The following CDH13 variants were observed in gnomAD, a reference collection of about 807,000 sequenced individuals.
The protein encoded by CDH13 is cadherin-13.
In CDH13, 24 loss-of-function variants were observed where a neutral mutation model predicts 63.8. That is an observed-to-expected ratio of 0.38 (90% CI 0.27 to 0.53). The LOEUF is 0.53. Ranked by LOEUF, CDH13 falls within the 20% of genes least tolerant of loss-of-function variation. The pLI is 0.85. For synonymous variants in CDH13, 503 were observed against 355.3 expected, an observed-to-expected ratio of 1.42 and a Z score of -4.67; for missense variants, 1,049 against 903.1, an observed-to-expected ratio of 1.16 and a Z score of -2.07.
At chr16:83,524,089 C>T (rs745958118) in intron 7 of CDH13, among the ~76,000 whole-genome samples, 2 of 152,188 alleles carry the variant, frequency 1.3e-5, no homozygotes, top group Non-Finnish European at 1.5e-5. Flanking sequence ...TGAAACAGAA[C>T]CCCGAAGAGC....
intron 6 of CDH13, among the ~76,000 whole-genome samples, chr16:83,383,644 G>T (rs1253401662): frequency 6.6e-6 from 1 of 152,138 alleles, no homozygotes; most frequent in Non-Finnish European, 1.5e-5. Flanking sequence ...GTTTTCTGTT[G>T]CTGTCTTTCT....
chr16:83,739,810 A>T (rs1049979696), intron 10 of CDH13: 2 of 152,240 alleles, frequency 1.3e-5, no homozygotes, highest in Non-Finnish European at 2.9e-5. Flanking sequence ...TCATGCATGC[A>T]TTCAACAACT....
intron 6 of CDH13, among the ~76,000 whole-genome samples, chr16:83,412,559 A>G (rs893186010): frequency 7.9e-5 from 12 of 152,260 alleles, no homozygotes; most frequent in African/African-American, 2.7e-4. Flanking sequence ...ATACTGATGC[A>G]GCCACCTCGA....
chr16:83,079,085 G>C (rs1467256408), intron 3 of CDH13, among the ~76,000 whole-genome samples: 2 of 152,148 alleles, frequency 1.3e-5, no homozygotes, highest in South Asian at 2.1e-4. Flanking sequence ...GTGAGCCATT[G>C]TGCCCGGCCC....
At chr16:83,754,044 C>T (rs182489446) in intron 11 of CDH13, among the ~76,000 whole-genome samples, 5 of 151,888 alleles carry the variant, frequency 3.3e-5, no homozygotes, top group African/African-American at 9.7e-5. Flanking sequence ...AAATTAGAAA[C>T]GAGTGTCAGA....
At chr16:83,135,273 C>G (rs776694287) in intron 4 of CDH13, among the ~76,000 whole-genome samples, 1 of 152,178 alleles carries the variant, frequency 6.6e-6, no homozygotes, top group Admixed American at 6.5e-5. Context: ...AACGGCAATG[C>G]TGAGACCCAA....
intron 2 of CDH13, among the ~76,000 whole-genome samples, chr16:82,932,861 C>T (rs1188141797): frequency 2.0e-5 from 3 of 152,030 alleles, no homozygotes; most frequent in Non-Finnish European, 4.4e-5. Context: ...TGATTCTAAA[C>T]AATGAACTTT....
intron 4 of CDH13, among the ~76,000 whole-genome samples, chr16:83,145,469 G>A (rs571696246): frequency 7.2e-5 from 11 of 152,292 alleles, no homozygotes; most frequent in Admixed American, 2.0e-4. Flanking sequence ...GACTGTTGCC[G>A]TTATTAGCGA....
chr16:83,714,873 G>C lies in CDH13; in HGVS notation c.1539-33235G>C, dbSNP rs867367524. On this transcript the variant is annotated intron_variant, in intron 10 of 13. Coordinates refer to ENST00000567109, the MANE Select transcript of CDH13 (RefSeq NM_001257.5). ...CTTTATCTTTAATTCCTAATTAACG[G>C]TTTTGCCAACTACCTTTATCTATTT... is the stretch of plus-strand genomic sequence containing the variant. Among the ~76,000 whole-genome samples, 4 of 152,144 alleles carry C rather than the reference G, an allele frequency of 2.6e-5. No homozygotes were observed. The South Asian group carries it at 6.2e-4, about 24-fold the overall frequency.
chr16:83,267,240 C>T (rs1346424236), intron 5 of CDH13, among the ~76,000 whole-genome samples: 3 of 152,122 alleles, frequency 2.0e-5, no homozygotes, highest in Non-Finnish European at 4.4e-5. Flanking sequence ...GCTGAAGGTG[C>T]AGGGAAGCTC....
At chr16:83,581,773 CA>C (rs1282789807) in intron 7 of CDH13, among the ~76,000 whole-genome samples, 1 of 152,198 alleles carries the variant, frequency 6.6e-6, no homozygotes, top group African/African-American at 2.4e-5. Flanking sequence ...GAGCCAAAAT[CA>C]TGCTATTGCA....
At chr16:82,835,780 T>C (rs1446558989) in intron 1 of CDH13, among the ~76,000 whole-genome samples, 1 of 152,204 alleles carries the variant, frequency 6.6e-6, no homozygotes, top group East Asian at 1.9e-4. Flanking sequence ...GATCAATCCA[T>C]ATGCATGTTT....
At chr16:82,829,604 T>C (rs540362043) in intron 1 of CDH13, 2 of 152,300 alleles carry the variant, frequency 1.3e-5, no homozygotes, top group South Asian at 4.1e-4. Context: ...ATATATTTCC[T>C]GCAACATGAG....
intron 1 of CDH13, among the ~76,000 whole-genome samples, chr16:82,846,167 G>A (rs59926756): frequency 0.28 from 42,190 of 151,962 alleles, 6,019 homozygotes; most frequent in South Asian, 0.31. Flanking sequence ...AAACTTCTGC[G>A]TGGAGCCTTT....
chr16:83,327,126 A>T (rs1156643996), intron 5 of CDH13, among the ~76,000 whole-genome samples: 1 of 152,218 alleles, frequency 6.6e-6, no homozygotes, highest in East Asian at 1.9e-4. Flanking sequence ...GAATCACTTC[A>T]GTGAGCTAGA....
chr16:83,727,091 A>G (rs968421104), intron 10 of CDH13, among the ~76,000 whole-genome samples: 3 of 152,170 alleles, frequency 2.0e-5, no homozygotes, highest in Non-Finnish European at 4.4e-5. Context: ...TAGTGTAGTC[A>G]CAGAGTTGTG....
At chr16:83,338,184 TA>T (rs5818440) in intron 5 of CDH13, among the ~76,000 whole-genome samples, 65 of 135,082 alleles carry the variant, frequency 4.8e-4, no homozygotes, top group Admixed American at 6.0e-4. Flanking sequence ...CTCTTCTTTT[TA>T]AAAAAAAAAA....
intron 6 of CDH13, among the ~76,000 whole-genome samples, chr16:83,396,327 G>C (rs1246562542): frequency 6.6e-6 from 1 of 152,132 alleles, no homozygotes; most frequent in Non-Finnish European, 1.5e-5. Flanking sequence ...ATAAAACACT[G>C]TGTCTGGCAC....
chr16:83,531,503 C>G (rs2075082702), intron 7 of CDH13, among the ~76,000 whole-genome samples: 1 of 152,208 alleles, frequency 6.6e-6, no homozygotes, highest in African/African-American at 2.4e-5. Flanking sequence ...TTTCCCTGCA[C>G]AAGCCCTCTT....
Sources: gnomAD v4.1 joint callset for allele counts (sites outside exome capture counted in the v4.1 genomes callset) on GRCh38, gnomAD v4.1.1 for gene constraint, MANE v1.5 for transcripts, NCBI Gene and HGNC (gene_info 2026-07-23, HGNC 2026-07-21) for gene names.